DRC11: variants seen among roughly 807,000 people sequenced by gnomAD.
DRC11 encodes the protein IQ and AAA domain-containing protein 1.
chr2:236,337,977 T>C, the DRC11 span, among the ~76,000 whole-genome samples: 3 of 152,160 alleles, frequency 2.0e-5, no homozygotes, highest in Non-Finnish European at 4.4e-5. This position sits in a 1 kb window ranked among gnomAD's most constrained non-coding sequence, Gnocchi z 4.9. Flanking sequence ...TTGTCCAGTT[T>C]CCTTTTGTCT....
chr2:236,357,935 TG>T, the DRC11 span, among the ~76,000 whole-genome samples: 1 of 107,678 alleles, frequency 9.3e-6, no homozygotes, highest in African/African-American at 4.0e-5. Context: ...AATTCATATA[TG>T]AATATATAAT....
At chr2:236,438,877 C>T in the DRC11 span, among the ~76,000 whole-genome samples, 3 of 151,554 alleles carry the variant, frequency 2.0e-5, no homozygotes, top group African/African-American at 7.3e-5. Flanking sequence ...TCTCTCAGAC[C>T]ACAGTGCAAT....
At chr2:236,365,699 G>A in the DRC11 span, among the ~76,000 whole-genome samples, 1 of 152,068 alleles carries the variant, frequency 6.6e-6, no homozygotes, top group Non-Finnish European at 1.5e-5. The surrounding 1 kb of genome is among the most constrained non-coding windows in gnomAD (Gnocchi z 7.4). Context: ...CAGAGAAAGG[G>A]GGTGGTCACC....
the DRC11 span, among the ~76,000 whole-genome samples, chr2:236,308,572 G>A: frequency 6.6e-6 from 1 of 152,260 alleles, no homozygotes; most frequent in African/African-American, 2.4e-5. This position sits in a 1 kb window ranked among gnomAD's most constrained non-coding sequence, Gnocchi z 6.0. Context: ...TGTGGCCAGT[G>A]TGGGGGCTCT....
chr2:236,497,383 A>C, the DRC11 span: 1 of 1,613,942 alleles, frequency 6.2e-7, no homozygotes, highest in Non-Finnish European at 8.5e-7. The surrounding 1 kb of genome is among the most constrained non-coding windows in gnomAD (Gnocchi z 5.1). Flanking sequence ...TAATGTTTGA[A>C]AGATGAAAAC....
At chr2:236,328,573 C>T in the DRC11 span, among the ~76,000 whole-genome samples, 5 of 152,018 alleles carry the variant, frequency 3.3e-5, no homozygotes, top group Admixed American at 6.6e-5. This position sits in a 1 kb window ranked among gnomAD's most constrained non-coding sequence, Gnocchi z 6.7. Context: ...ATCTTATACA[C>T]CCCTAGGCCA....
chr2:236,377,279 G>T, the DRC11 span: 2 of 700,434 alleles, frequency 2.9e-6, no homozygotes, highest in Non-Finnish European at 5.0e-6. The surrounding 1 kb of genome is among the most constrained non-coding windows in gnomAD (Gnocchi z 4.9). Context: ...ACTTAAACCA[G>T]ATCTATTTCA....
At chr2:236,423,128 G>T in the DRC11 span, among the ~76,000 whole-genome samples, 2 of 151,408 alleles carry the variant, frequency 1.3e-5, no homozygotes, top group Non-Finnish European at 2.9e-5. Context: ...TACCATTCAG[G>T]ACATAGGCAT....
the DRC11 span, among the ~76,000 whole-genome samples, chr2:236,351,480 C>A: frequency 6.6e-6 from 1 of 152,136 alleles, no homozygotes; most frequent in African/African-American, 2.4e-5. This position sits in a 1 kb window ranked among gnomAD's most constrained non-coding sequence, Gnocchi z 7.3. Context: ...ACATGGGGAG[C>A]ACCTGGCACT....
chr2:236,464,264 GATTTT>G, the DRC11 span, among the ~76,000 whole-genome samples: 2 of 152,176 alleles, frequency 1.3e-5, no homozygotes, highest in African/African-American at 4.8e-5. Context: ...GAGAAAGTTT[GATTTT>G]TCTATTGCCA....
At chr2:236,342,991 A>G in the DRC11 span, among the ~76,000 whole-genome samples, 1 of 152,138 alleles carries the variant, frequency 6.6e-6, no homozygotes, top group Non-Finnish European at 1.5e-5. The surrounding 1 kb of genome is among the most constrained non-coding windows in gnomAD (Gnocchi z 5.8). Context: ...TTCATTTCCT[A>G]CAGGGACAAA....
the DRC11 span, among the ~76,000 whole-genome samples, chr2:236,357,370 A>G: frequency 1.7e-5 from 2 of 115,306 alleles, no homozygotes; most frequent in Non-Finnish European, 3.2e-5. Flanking sequence ...TATTATAAAT[A>G]TATTTATATA....
chr2:236,308,299 G>C, the DRC11 span, among the ~76,000 whole-genome samples: 6 of 152,250 alleles, frequency 3.9e-5, no homozygotes, highest in Admixed American at 3.3e-4. The surrounding 1 kb of genome is among the most constrained non-coding windows in gnomAD (Gnocchi z 6.0). Context: ...TCCTCTGCTG[G>C]GGGTGTCCAT....
the DRC11 span, chr2:236,488,276 A>G: frequency 9.9e-7 from 1 of 1,014,088 alleles, no homozygotes; most frequent in Non-Finnish European, 1.4e-6. Context: ...CTTACTTCAA[A>G]CACAATCCTG....
At chr2:236,455,538 C>T in the DRC11 span, among the ~76,000 whole-genome samples, 6 of 152,154 alleles carry the variant, frequency 3.9e-5, no homozygotes, top group African/African-American at 7.2e-5. The surrounding 1 kb of genome is among the most constrained non-coding windows in gnomAD (Gnocchi z 5.7). Context: ...CGTGAAGACG[C>T]GACATTCTGT....
chr2:236,391,750 G>A, the DRC11 span, among the ~76,000 whole-genome samples: 1 of 152,170 alleles, frequency 6.6e-6, no homozygotes, highest in African/African-American at 2.4e-5. The surrounding 1 kb of genome is among the most constrained non-coding windows in gnomAD (Gnocchi z 4.5). Context: ...ACTGACCGGG[G>A]CTGGGGAGAT....
the DRC11 span, among the ~76,000 whole-genome samples, chr2:236,443,537 T>A: frequency 3.9e-5 from 6 of 152,192 alleles, no homozygotes; most frequent in African/African-American, 1.4e-4. This position sits in a 1 kb window ranked among gnomAD's most constrained non-coding sequence, Gnocchi z 4.4. Context: ...TCCAGCTCCA[T>A]CCATGTCCCT....
chr2:236,449,255 A>G, the DRC11 span, among the ~76,000 whole-genome samples: 1 of 152,176 alleles, frequency 6.6e-6, no homozygotes. The surrounding 1 kb of genome is among the most constrained non-coding windows in gnomAD (Gnocchi z 5.1). Context: ...ATTCTGAGCG[A>G]GAGAACTGGG....
the DRC11 span, among the ~76,000 whole-genome samples, chr2:236,477,844 C>T: frequency 6.6e-6 from 1 of 152,098 alleles, no homozygotes; most frequent in Non-Finnish European, 1.5e-5. Context: ...GTCATAGTTT[C>T]TAACGATCCT....
Sources: allele counts gnomAD v4.1 joint callset (sites outside exome capture counted in the v4.1 genomes callset), GRCh38; gene constraint gnomAD v4.1.1; non-coding constraint Gnocchi (gnomAD v3.1); transcripts MANE v1.5; gene names NCBI Gene and HGNC (gene_info 2026-07-23, HGNC 2026-07-21).